The following RAB7A variants were observed in gnomAD, a reference collection of about 807,000 sequenced individuals.
The protein encoded by RAB7A is RAB7A, member RAS oncogene family, also known as ras-related protein Rab-7a.
In RAB7A, 2 loss-of-function variants were observed where a neutral mutation model predicts 24.5. The observed-to-expected ratio is 0.08, with a 90% confidence interval of 0.03 to 0.26. RAB7A has a LOEUF of 0.26. Ranked by LOEUF, RAB7A falls within the 10% of genes least tolerant of loss-of-function variation. The pLI is 1.00. For synonymous variants in RAB7A, 100 were observed against 95.9 expected (o/e 1.04, Z -0.25); for missense variants, 118 against 255.7 (o/e 0.46, Z 3.67).
Position 128,763,239 on chromosome 3 carries a change from G to A in RAB7A, c.-8-32121G>A, listed in dbSNP as rs1396393015. On this transcript the variant is annotated intron_variant, in intron 1 of 5. Coordinates refer to ENST00000265062, the MANE Select transcript of RAB7A (RefSeq NM_004637.6). The stretch of plus-strand genomic sequence containing the variant: ...TTTTTTTTTTTTTTTTTTTGAGACG[G>A]AGTCTCGCTCTGTCGCCCAGGCTGG... 5.3e-5 allele frequency among the ~76,000 whole-genome samples: 6 copies of A among 113,420 alleles called. No homozygotes were observed. The East Asian group carries it at 1.3e-3, about 24-fold the overall frequency. The allele number at this position is 113,420 out of a possible 152,430, so 74.4% of individuals were successfully genotyped here.
intron 1 of RAB7A, among the ~76,000 whole-genome samples, chr3:128,757,079 A>C (rs1161765198): frequency 1.3e-5 from 2 of 152,070 alleles, no homozygotes; most frequent in Non-Finnish European, 2.9e-5. Flanking sequence ...CCCTGGCCTC[A>C]GGTGATCCAC....
chr3:128,731,382 G>T (rs1048939304), intron 1 of RAB7A, among the ~76,000 whole-genome samples: 2 of 152,158 alleles, frequency 1.3e-5, no homozygotes, highest in South Asian at 2.1e-4. Context: ...GATAACTGCG[G>T]GTCATTTAAA....
At chr3:128,754,935 C>G (rs2107593171) in intron 1 of RAB7A, among the ~76,000 whole-genome samples, 1 of 152,194 alleles carries the variant, frequency 6.6e-6, no homozygotes, top group African/African-American at 2.4e-5. Context: ...TAGTTGGGGA[C>G]TTTAATGGGT....
intron 1 of RAB7A, among the ~76,000 whole-genome samples, chr3:128,761,259 T>G (rs1361938435): frequency 6.6e-6 from 1 of 152,242 alleles, no homozygotes; most frequent in Non-Finnish European, 1.5e-5. Flanking sequence ...GTTAGATTCC[T>G]GATCACCTCT....
intron 1 of RAB7A, chr3:128,764,718 T>G (rs573155702): frequency 2.7e-5 from 22 of 800,278 alleles, no homozygotes; most frequent in Middle Eastern, 2.8e-4. Flanking sequence ...CACACTCCAT[T>G]GCATTCAGCC....
intron 1 of RAB7A, among the ~76,000 whole-genome samples, chr3:128,778,066 A>G (rs1184976293): frequency 6.8e-6 from 1 of 147,608 alleles, no homozygotes; most frequent in Non-Finnish European, 1.5e-5. Context: ...TGGTGTAGAT[A>G]TCAAGTAGTG....
At chr3:128,740,403 C>CTA (rs2070540803) in intron 1 of RAB7A, among the ~76,000 whole-genome samples, 1 of 152,144 alleles carries the variant, frequency 6.6e-6, no homozygotes, top group Non-Finnish European at 1.5e-5. Flanking sequence ...TCCTACTTAT[C>CTA]TAATCATTTC....
At chr3:128,792,218 G>C (rs1395343060) in intron 1 of RAB7A, among the ~76,000 whole-genome samples, 5 of 152,122 alleles carry the variant, frequency 3.3e-5, no homozygotes, top group African/African-American at 1.2e-4. Context: ...TATCATGTAG[G>C]AGTCTGGAGG....
At chr3:128,751,414 G>A (rs569031961) in intron 1 of RAB7A, among the ~76,000 whole-genome samples, 21 of 152,328 alleles carry the variant, frequency 1.4e-4, no homozygotes, top group East Asian at 7.7e-4. Context: ...TCAGTGTGAC[G>A]TGGATGTGAG....
Position 128,809,936 on chromosome 3 carries a change from C to CTTTTTTTTTTTTTTTTTTTTTTTTTTT in RAB7A, c.528+2269_528+2295dup, listed in dbSNP as rs869119619. Among the ~76,000 whole-genome samples, 55 of 52,258 alleles carry CTTTTTTTTTTTTTTTTTTTTTTTTTTT rather than the reference C, an allele frequency of 1.1e-3. 18 individuals are homozygous for CTTTTTTTTTTTTTTTTTTTTTTTTTTT. Among genetic ancestry groups the CTTTTTTTTTTTTTTTTTTTTTTTTTTT allele is most frequent in the Non-Finnish European group, 1.1e-3 (33 of 29,584 alleles). The allele number at this position is 52,258 out of a possible 152,430, so 34.3% of individuals were successfully genotyped here. ...GAGGCAAGTTTCCTCTTGCCACAGT[C>CTTTTTTTTTTTTTTTTTTTTTTTTTTT]TTTTTTTTTTTTTTTTTTTTTTTTT... On this transcript the variant is annotated intron_variant, in intron 5 of 5. Transcript: ENST00000265062.
chr3:128,737,499 A>G lies in RAB7A; in HGVS notation c.-9+11140A>G, dbSNP rs566525366. 4.6e-5 allele frequency among the ~76,000 whole-genome samples: 7 copies of G among 151,750 alleles called. No homozygotes were observed. In the East Asian group the frequency reaches 1.4e-3, roughly 29 times the overall value. ...GCTGGGACTACAGGTGTGCACCACCATGCCCCAGCTAATTTTTTATATTTT... is the reference window on the plus strand; with the variant it reads ...GCTGGGACTACAGGTGTGCACCACCGTGCCCCAGCTAATTTTTTATATTTT... On this transcript the variant is annotated intron_variant, in intron 1 of 5. Coordinates refer to ENST00000265062, the MANE Select transcript of RAB7A (RefSeq NM_004637.6).
chr3:128,749,896 A>G (rs2070659940), intron 1 of RAB7A, among the ~76,000 whole-genome samples: 1 of 152,184 alleles, frequency 6.6e-6, no homozygotes, highest in African/African-American at 2.4e-5. Flanking sequence ...AATATGGTAA[A>G]TGGGTACCAG....
At chr3:128,770,858 A>T in intron 1 of RAB7A, among the ~76,000 whole-genome samples, 1 of 152,112 alleles carries the variant, frequency 6.6e-6, no homozygotes, top group Admixed American at 6.5e-5. Context: ...CATAAAGCAA[A>T]TCGTTATACT....
intron 5 of RAB7A, among the ~76,000 whole-genome samples, chr3:128,809,682 G>C (rs1210377581): frequency 1.3e-5 from 2 of 152,100 alleles, no homozygotes; most frequent in African/African-American, 4.8e-5. Context: ...GCTGGAATTT[G>C]TTTTGGCTTA....
chr3:128,801,274 A>G (rs1933693216), intron 3 of RAB7A, among the ~76,000 whole-genome samples: 2 of 152,224 alleles, frequency 1.3e-5, no homozygotes, highest in Admixed American at 1.3e-4. Flanking sequence ...GGAGGCCAAG[A>G]GAGGAGTTTG....
At chr3:128,765,364 A>G (rs766552694) in intron 1 of RAB7A, among the ~76,000 whole-genome samples, 2 of 152,062 alleles carry the variant, frequency 1.3e-5, no homozygotes, top group African/African-American at 2.4e-5. Flanking sequence ...ACACTTACCC[A>G]TACTCTTACT....
chr3:128,744,876 CTT>C (rs1242538121), intron 1 of RAB7A, among the ~76,000 whole-genome samples: 23 of 139,310 alleles, frequency 1.7e-4, no homozygotes, highest in Middle Eastern at 3.8e-3. Context: ...TTTTCTTTTT[CTT>C]TTTTTTTTTT....
At chr3:128,775,992 A>C (rs111838210) in intron 1 of RAB7A, among the ~76,000 whole-genome samples, 1 of 152,020 alleles carries the variant, frequency 6.6e-6, no homozygotes, top group African/African-American at 2.4e-5. Context: ...CAGATCTCCT[A>C]TTTCTCCTGT....
Position 128,763,208 on chromosome 3 carries a change from A to ATATATAT in RAB7A, c.-8-32151_-8-32150insATATATT, listed in dbSNP as rs373993932. 1.1e-3 allele frequency among the ~76,000 whole-genome samples: 80 copies of ATATATAT among 76,068 alleles called. 1 individual carries two copies. Among genetic ancestry groups the ATATATAT allele is most frequent in the Non-Finnish European group, 1.5e-3 (70 of 45,994 alleles). 49.9% of individuals were successfully genotyped at this position (76,068 alleles called of 152,430 possible). On this transcript the variant is annotated intron_variant, in intron 1 of 5. Transcript: ENST00000265062. ...TTAGCTTATATATATATATATATAT[A>ATATATAT]TTTTTTTTTTTTTTTTTTTTTTTTG...
Sources: gnomAD v4.1 joint callset for allele counts (sites outside exome capture counted in the v4.1 genomes callset) on GRCh38, gnomAD v4.1.1 for gene constraint, MANE v1.5 for transcripts, NCBI Gene and HGNC (gene_info 2026-07-23, HGNC 2026-07-21) for gene names.